CSMD3: variants seen among roughly 807,000 people sequenced by gnomAD.
CSMD3 encodes CUB and Sushi multiple domains 3, also known as CUB and sushi domain-containing protein 3.
Under a neutral mutation model 435.2 loss-of-function variants are expected in CSMD3, and 177 were observed. The ratio of observed to expected loss-of-function variants is 0.41; its 90% CI spans 0.36 to 0.46. The LOEUF is 0.46. Ranked by LOEUF, CSMD3 falls within the 20% of genes least tolerant of loss-of-function variation. The probability of loss-of-function intolerance (pLI) is 0.34; values close to 1 mark genes in which losing one functional copy is unlikely to be tolerated. For missense variants in CSMD3, 4,265 were observed against 4,504.6 expected (o/e 0.95, Z 1.52); for synonymous variants, 1,656 against 1,520.5 (o/e 1.09, Z -2.07).
At chr8:113,255,482 CAA>C (rs1039978623) in intron 3 of CSMD3, among the ~76,000 whole-genome samples, 1 of 151,828 alleles carries the variant, frequency 6.6e-6, no homozygotes, top group African/African-American at 2.4e-5. Context: ...AATGACAAAA[CAA>C]TGCTTTTTTC....
chr8:112,520,322 C>A lies in CSMD3; in HGVS notation c.4565-3097G>T, dbSNP rs538387373. 2.4e-3 allele frequency among the ~76,000 whole-genome samples: 361 copies of A among 151,978 alleles called. 2 individuals are homozygous for A. The highest frequency in any genetic ancestry group is 8.4e-3 in the African/African-American group (349 of 41,500). ...ATCCTTACAAAGTGGTATTTTCATCCCCATTTTTAAATGGGTAAAATGAGA... is the reference window on the plus strand; with the variant it reads ...ATCCTTACAAAGTGGTATTTTCATCACCATTTTTAAATGGGTAAAATGAGA... On this transcript the variant is annotated intron_variant, in intron 27 of 70. Coordinates refer to ENST00000297405, the MANE Select transcript of CSMD3 (RefSeq NM_198123.2).
At chr8:112,408,509 T>C (rs1028988966) in intron 33 of CSMD3, 96 bp from the exon 34 acceptor site, 1 of 837,914 alleles carries the variant, frequency 1.2e-6, no homozygotes, top group African/African-American at 1.7e-5. Context: ...TTTGAAAATG[T>C]CAATCTATGT....
intron 42 of CSMD3, 144 bp from the exon 43 acceptor site, chr8:112,337,875 G>T: frequency 1.7e-6 from 1 of 605,882 alleles, no homozygotes; most frequent in Non-Finnish European, 3.0e-6. Flanking sequence ...TATGATAAAT[G>T]CTGTCAATGA....
chr8:112,236,052 T>C (rs1813564112), intron 67 of CSMD3, among the ~76,000 whole-genome samples: 2 of 151,988 alleles, frequency 1.3e-5, no homozygotes, highest in Middle Eastern at 3.4e-3. Flanking sequence ...ATAAGGTAAT[T>C]ATATGTATTT....
At chr8:112,428,722 C>A (rs1813342756) in intron 32 of CSMD3, among the ~76,000 whole-genome samples, 1 of 152,070 alleles carries the variant, frequency 6.6e-6, no homozygotes, top group Non-Finnish European at 1.5e-5. Flanking sequence ...TTCCCCTCTA[C>A]ATATATGACA....
At chr8:113,210,308 G>C (rs796356453) in intron 3 of CSMD3, among the ~76,000 whole-genome samples, 4 of 152,036 alleles carry the variant, frequency 2.6e-5, no homozygotes, top group African/African-American at 9.6e-5. Context: ...CATAATTTGT[G>C]CCACACAATT....
At chr8:113,270,220 C>T (rs1412346577) in intron 3 of CSMD3, among the ~76,000 whole-genome samples, 1 of 151,512 alleles carries the variant, frequency 6.6e-6, no homozygotes. Flanking sequence ...TGCTCATCAT[C>T]ACTGGCCATC....
chr8:112,318,738 C>T (rs893175200), intron 47 of CSMD3, 99 bp downstream of exon 47: 10 of 759,716 alleles, frequency 1.3e-5, no homozygotes, highest in Non-Finnish European at 2.2e-5. Flanking sequence ...TCCAGTTAAA[C>T]ATTTCATATT....
At chr8:112,878,561 A>G (rs564082318) in intron 10 of CSMD3, among the ~76,000 whole-genome samples, 1 of 152,180 alleles carries the variant, frequency 6.6e-6, no homozygotes, top group Admixed American at 6.5e-5. Flanking sequence ...CAATCTCATT[A>G]CTGGGTATAT....
At chr8:112,570,299 T>C (rs1241698134) in intron 24 of CSMD3, among the ~76,000 whole-genome samples, 1 of 152,180 alleles carries the variant, frequency 6.6e-6, no homozygotes, top group Non-Finnish European at 1.5e-5. Flanking sequence ...CTAAAGATGC[T>C]ATGAAGGAAA....
chr8:112,341,893 G>C (rs1302574606), intron 41 of CSMD3, among the ~76,000 whole-genome samples: 1 of 152,038 alleles, frequency 6.6e-6, no homozygotes, highest in African/African-American at 2.4e-5. Context: ...GCTCTCACAT[G>C]TCCATTATTA....
intron 27 of CSMD3, among the ~76,000 whole-genome samples, chr8:112,525,911 A>G (rs1824902166): frequency 7.0e-6 from 1 of 143,466 alleles, no homozygotes; most frequent in Admixed American, 7.1e-5. Flanking sequence ...ATATGTATAT[A>G]TATTTTATAT....
intron 5 of CSMD3, among the ~76,000 whole-genome samples, chr8:113,022,920 T>C (rs2086734601): frequency 6.6e-6 from 1 of 152,048 alleles, no homozygotes; most frequent in South Asian, 2.1e-4. Context: ...GAAATAATGA[T>C]TAAATCATCA....
intron 22 of CSMD3, among the ~76,000 whole-genome samples, chr8:112,606,229 A>G (rs1832780567): frequency 6.6e-6 from 1 of 152,172 alleles, no homozygotes; most frequent in African/African-American, 2.4e-5. Context: ...AGAAGCCCCT[A>G]CAGCCCATGA....
At chr8:112,756,724 C>T (rs190167610) in intron 13 of CSMD3, among the ~76,000 whole-genome samples, 7 of 151,510 alleles carry the variant, frequency 4.6e-5, no homozygotes, top group Admixed American at 2.6e-4. Context: ...GAAAGAGTTC[C>T]TTGAAATCGT....
rs1421287523 is a variant in CSMD3, at chr8:113,209,327, T to A, written c.515-35411A>T. 2.6e-5 allele frequency among the ~76,000 whole-genome samples: 4 copies of A among 152,278 alleles called. No homozygotes were observed. The East Asian group carries it at 7.7e-4, about 29-fold the overall frequency. On this transcript the variant is annotated intron_variant, in intron 3 of 70. Transcript: ENST00000297405. ...TGAAGGGCATTTATAAATAATTTAGTAATTATACTATGGTACATGACTTAT... is the reference window on the plus strand; with the variant it reads ...TGAAGGGCATTTATAAATAATTTAGAAATTATACTATGGTACATGACTTAT...
At chr8:113,403,678 A>C (rs990825961) in intron 1 of CSMD3, among the ~76,000 whole-genome samples, 5 of 151,460 alleles carry the variant, frequency 3.3e-5, no homozygotes, top group African/African-American at 7.2e-5. Flanking sequence ...CAGCTGTTTT[A>C]AATCCATCCA....
chr8:112,283,450 C>A (rs1161116296), intron 58 of CSMD3, among the ~76,000 whole-genome samples: 1 of 151,310 alleles, frequency 6.6e-6, no homozygotes, highest in African/African-American at 2.4e-5. Flanking sequence ...AATTCCACCA[C>A]TGAAAAATAG....
intron 13 of CSMD3, among the ~76,000 whole-genome samples, chr8:112,722,021 G>T (rs551796378): frequency 6.6e-6 from 1 of 151,918 alleles, no homozygotes; most frequent in South Asian, 2.1e-4. Context: ...TACAATTTGG[G>T]GACGTAACTT....
Sources: gnomAD v4.1 joint callset for allele counts (sites outside exome capture counted in the v4.1 genomes callset) on GRCh38, gnomAD v4.1.1 for gene constraint, MANE v1.5 for transcripts, NCBI Gene and HGNC (gene_info 2026-07-23, HGNC 2026-07-21) for gene names.